Variants in SLC28A1 observed in about 807,000 individuals in gnomAD.
SLC28A1 encodes solute carrier family 28 member 1.
SLC28A1 carries 64 observed loss-of-function variants against 74.8 expected under a neutral mutation model. That is an observed-to-expected ratio of 0.86 (90% CI 0.70 to 1.05). SLC28A1 has a LOEUF of 1.05. Ranked by LOEUF, SLC28A1 falls within the 50% of genes least tolerant of loss-of-function variation. The pLI is 0.00. For synonymous variants in SLC28A1, 359 were observed against 335.0 expected (o/e 1.07, Z -0.78); for missense variants, 828 against 822.8 (o/e 1.01, Z -0.08).
intron 9 of SLC28A1, among the ~76,000 whole-genome samples, chr15:84,916,467 C>G (rs1389848141): frequency 6.6e-6 from 1 of 151,844 alleles, no homozygotes; most frequent in Admixed American, 6.6e-5. Context: ...AGGCTGGTCT[C>G]AAACTCCTGA....
intron 9 of SLC28A1, among the ~76,000 whole-genome samples, chr15:84,916,240 C>CTGGTGTGAGCCACCATGCCTGGCCTTTTT (rs1555449979): frequency 1.0e-5 from 1 of 98,424 alleles, no homozygotes; most frequent in African/African-American, 4.9e-5. Context: ...GCTGGGATTA[C>CTGGTGTGAGCCACCATGCCTGGCCTTTTT]TTTTTTTTTT....
At chr15:84,971,546 G>A in the SLC28A1 span, among the ~76,000 whole-genome samples, 1 of 152,148 alleles carries the variant, frequency 6.6e-6, no homozygotes, top group East Asian at 1.9e-4. Context: ...ACCATGAGAG[G>A]AAGCAGCCTG....
At chr15:84,971,642 C>A in the SLC28A1 span, among the ~76,000 whole-genome samples, 1 of 151,800 alleles carries the variant, frequency 6.6e-6, no homozygotes, top group Non-Finnish European at 1.5e-5. Context: ...CCCTCCCCTC[C>A]CCTCCCTTGT....
the SLC28A1 span, among the ~76,000 whole-genome samples, chr15:84,952,864 A>C: frequency 2.0e-5 from 3 of 152,192 alleles, no homozygotes; most frequent in African/African-American, 7.2e-5. Context: ...GTCTCAAAAA[A>C]TAAAAAAAAT....
intron 6 of SLC28A1, among the ~76,000 whole-genome samples, chr15:84,896,880 A>G (rs1966056517): frequency 6.6e-6 from 1 of 152,200 alleles, no homozygotes; most frequent in African/African-American, 2.4e-5. Flanking sequence ...TTAAAGAACC[A>G]TATACGGCAT....
intron 8 of SLC28A1, among the ~76,000 whole-genome samples, chr15:84,908,080 G>A (rs1596270044): frequency 6.6e-6 from 1 of 152,160 alleles, no homozygotes; most frequent in South Asian, 2.1e-4. Context: ...GGTTGTCAGG[G>A]GCCTGAGCGG....
chr15:84,944,993 G>A (rs1449669242), intron 18 of SLC28A1, 126 bp downstream of exon 18: 17 of 1,078,320 alleles, frequency 1.6e-5, no homozygotes, highest in Non-Finnish European at 2.1e-5. Context: ...TAATGGGGAG[G>A]TGAAGGCTCG....
At chr15:84,895,305 C>G (rs1965866193) in intron 6 of SLC28A1, 182 bp downstream of exon 6, 23 of 1,601,824 alleles carry the variant, frequency 1.4e-5, no homozygotes, top group Non-Finnish European at 1.6e-5. Flanking sequence ...TGGTGTTTCA[C>G]CAGTTCTTAG....
At chr15:84,924,213 T>G (rs1272622682) in intron 12 of SLC28A1, 103 bp downstream of exon 12, 26 of 1,345,912 alleles carry the variant, frequency 1.9e-5, no homozygotes, top group Non-Finnish European at 2.7e-5. Context: ...AGATCTTCTC[T>G]CTTGGGCCTG....
chr15:84,901,823 T>A (rs1405448521), intron 6 of SLC28A1, among the ~76,000 whole-genome samples: 1 of 152,228 alleles, frequency 6.6e-6, no homozygotes, highest in African/African-American at 2.4e-5. Flanking sequence ...AGGCCTATCA[T>A]GTAATCTACC....
At chr15:84,884,859 C>A in intron 1 of SLC28A1, 108 bp downstream of exon 1, 1 of 463,254 alleles carries the variant, frequency 2.2e-6, no homozygotes, top group Non-Finnish European at 2.8e-6. Flanking sequence ...TTTTTTTCTT[C>A]ACTAGGGCTT....
chr15:84,964,595 T>C, the SLC28A1 span, among the ~76,000 whole-genome samples: 1 of 152,256 alleles, frequency 6.6e-6, no homozygotes, highest in Admixed American at 6.5e-5. Context: ...GCTCCAGGGT[T>C]AATCCAGGCA....
At position 84,930,827 on chromosome 15, in the gene SLC28A1, T is replaced by A. The variant is rs374838597; in HGVS notation, c.1084-2318T>A. Among the ~76,000 whole-genome samples, 829 of 151,544 alleles carry A rather than the reference T, an allele frequency of 5.5e-3. 12 individuals carry two copies. Among genetic ancestry groups the A allele is most frequent in the African/African-American group, 0.018 (747 of 41,262 alleles). ...CACTATTGCCTGGGCTGGAGTGCAA[T>A]AGTGCGATCTCGGCTCATTGCAACC... On this transcript the variant is annotated intron_variant, in intron 12 of 18. Coordinates refer to ENST00000394573, the MANE Select transcript of SLC28A1 (RefSeq NM_004213.5).
chr15:84,889,722 TTCC>T (rs1965103220), intron 4 of SLC28A1, among the ~76,000 whole-genome samples: 1 of 56,962 alleles, frequency 1.8e-5, no homozygotes, highest in Non-Finnish European at 4.6e-5. Flanking sequence ...CCTTCCTTCC[TTCC>T]TTCCTTCCTT....
intron 6 of SLC28A1, among the ~76,000 whole-genome samples, chr15:84,900,191 G>A (rs1029764286): frequency 3.3e-5 from 5 of 151,798 alleles, no homozygotes; most frequent in Admixed American, 2.6e-4. Flanking sequence ...CAGGCATGGT[G>A]GCATGCGCCT....
intron 15 of SLC28A1, chr15:84,938,492 A>G (rs1242708794): frequency 6.6e-6 from 1 of 152,018 alleles, no homozygotes; most frequent in Non-Finnish European, 1.5e-5. Context: ...TATCGTTCTG[A>G]TTTTAGTATG....
the SLC28A1 span, chr15:84,961,535 C>T: frequency 2.2e-6 from 1 of 453,604 alleles, no homozygotes; most frequent in African/African-American, 2.0e-5. Context: ...GAGACGAGGT[C>T]TTGCTATGTT....
intron 15 of SLC28A1, among the ~76,000 whole-genome samples, chr15:84,937,743 A>G (rs1033284527): frequency 1.3e-5 from 2 of 151,774 alleles, no homozygotes; most frequent in Non-Finnish European, 2.9e-5. Flanking sequence ...CTCTACTAAA[A>G]ATACAAAAAT....
At chr15:84,969,540 C>G in the SLC28A1 span, among the ~76,000 whole-genome samples, 1 of 137,040 alleles carries the variant, frequency 7.3e-6, no homozygotes, top group South Asian at 2.5e-4. Flanking sequence ...CCCCCCGACT[C>G]GGACTTCTGT....
Sources: allele counts gnomAD v4.1 joint callset (sites outside exome capture counted in the v4.1 genomes callset), GRCh38; gene constraint gnomAD v4.1.1; transcripts MANE v1.5; gene names NCBI Gene and HGNC (gene_info 2026-07-23, HGNC 2026-07-21).